Variants in SLAMF9 observed in about 807,000 individuals in gnomAD.
The protein encoded by SLAMF9 is CD2 family member 10.
A neutral mutation model predicts 30.4 loss-of-function variants in SLAMF9; 25 were observed. The observed-to-expected ratio is 0.82, with a 90% confidence interval of 0.60 to 1.15. SLAMF9 has a LOEUF of 1.15. Ranked by LOEUF, SLAMF9 falls within the 50% of genes most tolerant of loss-of-function variation. The pLI, the probability that SLAMF9 is intolerant of heterozygous loss-of-function variation, is 0.00. For missense variants in SLAMF9, 344 were observed against 346.1 expected, an observed-to-expected ratio of 0.99 and a Z score of 0.05; for synonymous variants, 129 against 127.2, an observed-to-expected ratio of 1.01 and a Z score of -0.09.
At chr1:159,978,841 T>C in the SLAMF9 span, 1 of 152,210 alleles carries the variant, frequency 6.6e-6, no homozygotes, top group Non-Finnish European at 1.5e-5. Context: ...AGAATTTCCT[T>C]GTAAAAATAT....
intron 2 of SLAMF9, 136 bp downstream of exon 2, chr1:159,953,173 A>C: frequency 1.4e-6 from 1 of 701,126 alleles, no homozygotes; most frequent in Non-Finnish European, 2.4e-6. Flanking sequence ...CAATCACAGT[A>C]TCTAGATTGG....
At chr1:159,960,625 C>T in the SLAMF9 span, among the ~76,000 whole-genome samples, 1 of 152,076 alleles carries the variant, frequency 6.6e-6, no homozygotes, top group African/African-American at 2.4e-5. Context: ...GCTACTACGC[C>T]TGGCTAATTT....
chr1:159,962,381 G>A, the SLAMF9 span, among the ~76,000 whole-genome samples: 6 of 152,246 alleles, frequency 3.9e-5, no homozygotes, highest in Admixed American at 3.3e-4. Context: ...GGCGGTTCAC[G>A]CCTATAGTCC....
chr1:159,976,976 A>G, the SLAMF9 span: 1 of 43,530 alleles, frequency 2.3e-5, no homozygotes, highest in Non-Finnish European at 7.3e-5. Flanking sequence ...GAAAGAAGGA[A>G]AGAAGGAAAG....
chr1:159,962,399 T>G, the SLAMF9 span, among the ~76,000 whole-genome samples: 1 of 152,198 alleles, frequency 6.6e-6, no homozygotes, highest in Middle Eastern at 3.4e-3. Context: ...TCCCAGCACT[T>G]TGGGAGGCCG....
the SLAMF9 span, chr1:159,961,527 C>A: frequency 2.0e-5 from 3 of 151,644 alleles, no homozygotes; most frequent in Non-Finnish European, 4.4e-5. Context: ...CCTTTCTTTT[C>A]TTTTTCTTTT....
chr1:159,958,161 C>CG (rs982576483), upstream of SLAMF9, among the ~76,000 whole-genome samples: 1 of 152,142 alleles, frequency 6.6e-6, no homozygotes, highest in African/African-American at 2.4e-5. Flanking sequence ...CTGGGGCTGC[C>CG]GGGAACAGCG....
the SLAMF9 span, among the ~76,000 whole-genome samples, chr1:159,979,464 G>T: frequency 6.6e-6 from 1 of 152,216 alleles, no homozygotes; most frequent in Non-Finnish European, 1.5e-5. Context: ...AGCAGGCTTA[G>T]ATGAAACTAT....
chr1:159,964,880 A>C, the SLAMF9 span, among the ~76,000 whole-genome samples: 1 of 152,234 alleles, frequency 6.6e-6, no homozygotes, highest in African/African-American at 2.4e-5. Flanking sequence ...CAAAGAAAGC[A>C]CAAAGGAAAC....
chr1:159,951,527 T>C lies in SLAMF9; in HGVS notation c.*134A>G. 1 of 758,614 alleles carries C rather than the reference T, an allele frequency of 1.3e-6. No individual in the cohort carries two copies. The allele number at this position is 758,614 out of a possible 1,614,324, so 47.0% of individuals were successfully genotyped here. A position where few individuals can be genotyped will look rare whatever the true frequency, so the allele number is the denominator to read the frequency against. On this transcript the variant is annotated 3_prime_UTR_variant, in exon 4 of 4. Transcript: ENST00000368093. Reference sequence around the variant, plus strand: ...TTAATTTGACTTTATTGCCAGCCAGTCTTCCCTCAGAAGTATGGCTCTCTG... The same window carrying C: ...TTAATTTGACTTTATTGCCAGCCAGCCTTCCCTCAGAAGTATGGCTCTCTG...
chr1:159,970,693 A>T, the SLAMF9 span, among the ~76,000 whole-genome samples: 3 of 152,172 alleles, frequency 2.0e-5, no homozygotes, highest in Non-Finnish European at 4.4e-5. Context: ...TACATTTTCT[A>T]AGACGTGTGT....
upstream of SLAMF9, among the ~76,000 whole-genome samples, chr1:159,957,890 G>C (rs982305924): frequency 1.2e-4 from 18 of 152,168 alleles, no homozygotes; most frequent in African/African-American, 4.3e-4. Context: ...TAGATTATCT[G>C]AGAAGCAGAA....
chr1:159,979,890 G>A, the SLAMF9 span, among the ~76,000 whole-genome samples: 1 of 152,084 alleles, frequency 6.6e-6, no homozygotes, highest in Non-Finnish European at 1.5e-5. Flanking sequence ...CATTGAGAAG[G>A]GATTTGGAGG....
At chr1:159,970,170 T>C in the SLAMF9 span, among the ~76,000 whole-genome samples, 1 of 152,216 alleles carries the variant, frequency 6.6e-6, no homozygotes, top group Non-Finnish European at 1.5e-5. Flanking sequence ...CATGGCTCAC[T>C]CTGGCAGAGG....
At chr1:159,975,121 A>G in the SLAMF9 span, among the ~76,000 whole-genome samples, 1 of 152,210 alleles carries the variant, frequency 6.6e-6, no homozygotes, top group Non-Finnish European at 1.5e-5. Context: ...TCTTTAACAA[A>G]GGTACTGATT....
At chr1:159,957,025 G>A (rs1290681096), upstream of SLAMF9, among the ~76,000 whole-genome samples, 1 of 151,110 alleles carries the variant, frequency 6.6e-6, no homozygotes. Flanking sequence ...GGGAGGCTGA[G>A]GCAGGAGAAT....
chr1:159,980,768 C>G, the SLAMF9 span: 1 of 152,592 alleles, frequency 6.6e-6, no homozygotes, highest in African/African-American at 2.4e-5. Context: ...CTCGAACTCC[C>G]GATCTCAGAT....
At chr1:159,976,576 T>C in the SLAMF9 span, 1 of 152,194 alleles carries the variant, frequency 6.6e-6, no homozygotes, top group East Asian at 1.9e-4. Context: ...TTTACTATAT[T>C]CACATATATG....
chr1:159,954,277 C>A, upstream of SLAMF9: 1 of 889,744 alleles, frequency 1.1e-6, no homozygotes. Context: ...CCCCTGACTA[C>A]AGCCCTCTGA....
Sources: allele counts gnomAD v4.1 joint callset (sites outside exome capture counted in the v4.1 genomes callset), GRCh38; gene constraint gnomAD v4.1.1; transcripts MANE v1.5; gene names NCBI Gene and HGNC (gene_info 2026-07-23, HGNC 2026-07-21).